The following AGBL4 variants were observed in gnomAD, a reference collection of about 807,000 sequenced individuals.
AGBL4 encodes the protein AGBL carboxypeptidase 4.
AGBL4 carries 58 observed loss-of-function variants against 66.4 expected under a neutral mutation model. The ratio of observed to expected loss-of-function variants is 0.87; its 90% CI spans 0.71 to 1.09. The LOEUF (loss-of-function observed/expected upper bound fraction) is 1.09. Among genes scored for constraint, AGBL4 ranks in the 50% least tolerant of loss-of-function variants. The probability of loss-of-function intolerance (pLI) is 0.00; values close to 1 mark genes in which losing one functional copy is unlikely to be tolerated. For missense variants in AGBL4, 579 were observed against 631.0 expected (o/e 0.92, Z 0.88); for synonymous variants, 234 against 222.9 (o/e 1.05, Z -0.44).
At chr1:49,662,586 G>A (rs1397059913) in intron 3 of AGBL4, among the ~76,000 whole-genome samples, 1 of 152,124 alleles carries the variant, frequency 6.6e-6, no homozygotes, top group Non-Finnish European at 1.5e-5. Flanking sequence ...GAGAGGCAGA[G>A]AGTTACGTTA....
chr1:49,524,876 C>A (rs1650537125), intron 3 of AGBL4, among the ~76,000 whole-genome samples: 1 of 152,034 alleles, frequency 6.6e-6, no homozygotes, highest in African/African-American at 2.4e-5. Flanking sequence ...GTCTAATTCA[C>A]TCTAATAGCA....
chr1:48,933,298 G>T (rs1345269360), intron 5 of AGBL4, among the ~76,000 whole-genome samples: 3 of 152,118 alleles, frequency 2.0e-5, no homozygotes, highest in African/African-American at 7.2e-5. Flanking sequence ...AGATCATTTA[G>T]TTTAGCCTCC....
At chr1:49,171,576 A>G (rs1252363030) in intron 4 of AGBL4, among the ~76,000 whole-genome samples, 2 of 152,224 alleles carry the variant, frequency 1.3e-5, no homozygotes, top group Non-Finnish European at 2.9e-5. Flanking sequence ...TCTAACTATT[A>G]GAAGTGAAGG....
intron 5 of AGBL4, among the ~76,000 whole-genome samples, chr1:48,944,335 T>C (rs1292148091): frequency 6.6e-6 from 1 of 152,154 alleles, no homozygotes; most frequent in East Asian, 1.9e-4. Context: ...CATCCATCAA[T>C]CCATCCATTA....
intron 3 of AGBL4, among the ~76,000 whole-genome samples, chr1:49,376,657 T>A (rs142834219): frequency 6.6e-6 from 1 of 152,222 alleles, no homozygotes; most frequent in East Asian, 1.9e-4. Flanking sequence ...TGGTATGATA[T>A]ATGTCTTCTG....
intron 3 of AGBL4, among the ~76,000 whole-genome samples, chr1:49,542,846 C>T (rs1366528116): frequency 1.5e-5 from 2 of 135,314 alleles, no homozygotes; most frequent in Non-Finnish European, 3.1e-5. Context: ...CTGCAGTGAG[C>T]TCAGATTGCA....
At chr1:48,767,297 G>C (rs1048746853) in intron 6 of AGBL4, among the ~76,000 whole-genome samples, 1 of 152,178 alleles carries the variant, frequency 6.6e-6, no homozygotes, top group Non-Finnish European at 1.5e-5. Flanking sequence ...GCATGTAAAA[G>C]CACCAAGCAC....
intron 3 of AGBL4, among the ~76,000 whole-genome samples, chr1:49,685,153 T>C (rs1289190730): frequency 2.0e-5 from 3 of 152,228 alleles, no homozygotes; most frequent in Non-Finnish European, 1.5e-5. Flanking sequence ...AGTGAGAACA[T>C]GTGGTATGTT....
intron 3 of AGBL4, among the ~76,000 whole-genome samples, chr1:49,573,227 A>T (rs552882903): frequency 1.3e-5 from 2 of 150,810 alleles, no homozygotes; most frequent in African/African-American, 4.9e-5. Flanking sequence ...ACCCTGACTA[A>T]TGCAGATTTT....
intron 3 of AGBL4, among the ~76,000 whole-genome samples, chr1:49,535,518 C>T (rs1651505347): frequency 6.6e-6 from 1 of 151,320 alleles, no homozygotes; most frequent in African/African-American, 2.4e-5. Context: ...ACTGACTTTA[C>T]TAAAATATAC....
chr1:49,377,659 A>T (rs1361104800), intron 3 of AGBL4, among the ~76,000 whole-genome samples: 1 of 152,110 alleles, frequency 6.6e-6, no homozygotes, highest in Non-Finnish European at 1.5e-5. Context: ...AAAGACTTAT[A>T]GCAATAGCAG....
At position 48,785,952 on chromosome 1, in the gene AGBL4, C is replaced by T. The variant is rs1459823238; in HGVS notation, c.634+81239G>A. Among the ~76,000 whole-genome samples, 13 of 152,162 alleles carry T rather than the reference C, an allele frequency of 8.5e-5. No individual in the cohort carries two copies. In the East Asian group the frequency reaches 2.5e-3, roughly 29 times the overall value. Reference sequence around the variant, plus strand: ...TTATCATCTCTGCTCATCCCAAGCACCTGGTGGTTCAAAATGCCTGCCCTT... The same window carrying T: ...TTATCATCTCTGCTCATCCCAAGCATCTGGTGGTTCAAAATGCCTGCCCTT... On this transcript the variant is annotated intron_variant, in intron 6 of 13. Coordinates refer to ENST00000371839, the MANE Select transcript of AGBL4 (RefSeq NM_032785.4).
chr1:49,525,184 G>C (rs1650561119), intron 3 of AGBL4, among the ~76,000 whole-genome samples: 1 of 151,982 alleles, frequency 6.6e-6, no homozygotes, highest in South Asian at 2.1e-4. Context: ...CAAGATCCTT[G>C]CTTCACTGGA....
At chr1:49,384,340 T>C (rs1289717911) in intron 3 of AGBL4, among the ~76,000 whole-genome samples, 2 of 151,784 alleles carry the variant, frequency 1.3e-5, no homozygotes, top group Non-Finnish European at 2.9e-5. Flanking sequence ...ATGCCTGTAA[T>C]CCCAGCATTT....
At chr1:49,222,452 C>G (rs141296174) in intron 4 of AGBL4, among the ~76,000 whole-genome samples, 1 of 152,110 alleles carries the variant, frequency 6.6e-6, no homozygotes, top group South Asian at 2.1e-4. Context: ...TGGATATGCA[C>G]GTTCTGCATA....
chr1:49,529,240 T>A (rs1650905767), intron 3 of AGBL4, among the ~76,000 whole-genome samples: 2 of 152,074 alleles, frequency 1.3e-5, no homozygotes, highest in Admixed American at 1.3e-4. Context: ...TGAGAGATAA[T>A]GGGGAATATA....
chr1:49,170,335 C>A (rs2985420), intron 4 of AGBL4, among the ~76,000 whole-genome samples: 1 of 140,052 alleles, frequency 7.1e-6, no homozygotes, highest in Non-Finnish European at 1.5e-5. Context: ...ATATAAATAT[C>A]ATATATTATA....
At chr1:49,356,612 C>A (rs1644024913) in intron 3 of AGBL4, among the ~76,000 whole-genome samples, 1 of 152,138 alleles carries the variant, frequency 6.6e-6, no homozygotes, top group Non-Finnish European at 1.5e-5. Flanking sequence ...ATTTACATGG[C>A]AAATGTAAAC....
chr1:48,549,750 G>A (rs1451059582), intron 11 of AGBL4, among the ~76,000 whole-genome samples: 4 of 151,772 alleles, frequency 2.6e-5, no homozygotes, highest in Non-Finnish European at 5.9e-5. Flanking sequence ...GCAAATGACA[G>A]AAAAGGAAAG....
Sources: gnomAD v4.1 joint callset for allele counts (sites outside exome capture counted in the v4.1 genomes callset) on GRCh38, gnomAD v4.1.1 for gene constraint, MANE v1.5 for transcripts, NCBI Gene and HGNC (gene_info 2026-07-23, HGNC 2026-07-21) for gene names.